THSD7B: variants seen among roughly 807,000 people sequenced by gnomAD.
THSD7B encodes thrombospondin type 1 domain containing 7B, also known as thrombospondin type-1 domain-containing protein 7B.
In THSD7B, 138 loss-of-function variants were observed where a neutral mutation model predicts 213.6. That is an observed-to-expected ratio of 0.65 (90% CI 0.56 to 0.74). THSD7B has a LOEUF of 0.74. THSD7B is among the 30% of genes least tolerant of loss of function. The pLI is 0.00. For missense variants in THSD7B, 1,931 were observed against 1,991.5 expected (o/e 0.97, Z 0.58); for synonymous variants, 742 against 687.0 (o/e 1.08, Z -1.25).
intron 17 of THSD7B, among the ~76,000 whole-genome samples, chr2:137,610,356 G>C (rs905255319): frequency 6.6e-6 from 1 of 152,134 alleles, no homozygotes; most frequent in African/African-American, 2.4e-5. Flanking sequence ...CTAGTATTGA[G>C]AGTATCCATG....
chr2:137,627,865 A>G (rs969029495), intron 20 of THSD7B, among the ~76,000 whole-genome samples: 1 of 152,272 alleles, frequency 6.6e-6, no homozygotes, highest in South Asian at 2.1e-4. Flanking sequence ...CCAAGATTTC[A>G]GTGATTAACC....
chr2:137,220,099 G>A (rs1385021189), intron 7 of THSD7B, among the ~76,000 whole-genome samples: 1 of 152,096 alleles, frequency 6.6e-6, no homozygotes, highest in African/African-American at 2.4e-5. Flanking sequence ...TGTGCATAGA[G>A]CAATGTATTT....
chr2:137,449,989 T>C (rs1045483447), intron 14 of THSD7B, among the ~76,000 whole-genome samples: 56 of 152,222 alleles, frequency 3.7e-4, no homozygotes, highest in African/African-American at 1.3e-3. Context: ...AATCAGATGA[T>C]GTTGCAGTTA....
intron 12 of THSD7B, among the ~76,000 whole-genome samples, chr2:137,288,375 A>G (rs1176858631): frequency 6.6e-6 from 1 of 152,084 alleles, no homozygotes; most frequent in Non-Finnish European, 1.5e-5. Context: ...AGAATTTAAA[A>G]CCTACTAGAG....
intron 15 of THSD7B, among the ~76,000 whole-genome samples, chr2:137,536,403 T>C (rs1680508312): frequency 6.6e-6 from 1 of 151,434 alleles, no homozygotes; most frequent in African/African-American, 2.4e-5. Flanking sequence ...AAAGAAAGAA[T>C]AGTACTTAGA....
At chr2:137,486,092 A>G (rs1007598955) in intron 15 of THSD7B, among the ~76,000 whole-genome samples, 5 of 152,252 alleles carry the variant, frequency 3.3e-5, no homozygotes, top group East Asian at 3.9e-4. Context: ...ATCAACTAAC[A>G]AGCAAAATAA....
chr2:137,340,242 A>T (rs1684730757), intron 12 of THSD7B, among the ~76,000 whole-genome samples: 1 of 151,906 alleles, frequency 6.6e-6, no homozygotes, highest in African/African-American at 2.4e-5. Flanking sequence ...TCTCTTAAAA[A>T]ACTAAGTTTC....
chr2:137,201,956 G>T (rs1293993999), intron 7 of THSD7B, among the ~76,000 whole-genome samples: 1 of 152,050 alleles, frequency 6.6e-6, no homozygotes, highest in African/African-American at 2.4e-5. Flanking sequence ...CATTTTTTCT[G>T]ATGGTCTCTA....
At chr2:137,138,506 T>C (rs1426372301) in intron 5 of THSD7B, among the ~76,000 whole-genome samples, 1 of 152,210 alleles carries the variant, frequency 6.6e-6, no homozygotes. Context: ...ATATTCTGTG[T>C]GCTCATTGTA....
chr2:137,029,279 A>C (rs934446287), intron 2 of THSD7B, among the ~76,000 whole-genome samples: 1 of 151,896 alleles, frequency 6.6e-6, no homozygotes, highest in Non-Finnish European at 1.5e-5. Context: ...GGGTTTTACC[A>C]TTTTGGCCAG....
intron 27 of THSD7B, among the ~76,000 whole-genome samples, chr2:137,672,936 T>C (rs986599018): frequency 6.6e-6 from 1 of 152,232 alleles, no homozygotes; most frequent in African/African-American, 2.4e-5. Context: ...CTGGATGAAC[T>C]TGCTGTTAAC....
At chr2:137,590,406 G>A (rs1226008178) in intron 17 of THSD7B, among the ~76,000 whole-genome samples, 1 of 152,142 alleles carries the variant, frequency 6.6e-6, no homozygotes, top group African/African-American at 2.4e-5. Context: ...GGCTAGTATA[G>A]CTGACTATAA....
At chr2:137,065,166 T>A (rs950442986) in intron 3 of THSD7B, among the ~76,000 whole-genome samples, 1 of 152,034 alleles carries the variant, frequency 6.6e-6, no homozygotes, top group Admixed American at 6.6e-5. Flanking sequence ...TATTTTTCCA[T>A]TTTTTGTGCC....
intron 12 of THSD7B, among the ~76,000 whole-genome samples, chr2:137,306,557 T>C (rs1683751783): frequency 6.6e-6 from 1 of 152,132 alleles, no homozygotes; most frequent in Non-Finnish European, 1.5e-5. Flanking sequence ...TGATAAGATA[T>C]TTTGTTCTTA....
At chr2:136,890,839 C>T (rs1038685865) in intron 2 of THSD7B, among the ~76,000 whole-genome samples, 2 of 151,692 alleles carry the variant, frequency 1.3e-5, no homozygotes, top group Non-Finnish European at 1.5e-5. Context: ...CCGTGCCTGG[C>T]CATGTCCTAC....
chr2:137,137,573 G>A (rs1450307847), intron 5 of THSD7B, among the ~76,000 whole-genome samples: 2 of 152,094 alleles, frequency 1.3e-5, no homozygotes, highest in African/African-American at 4.8e-5. Flanking sequence ...TGCTGTATAG[G>A]TTTACAGCCT....
At chr2:136,954,002 A>G (rs963644238) in intron 2 of THSD7B, among the ~76,000 whole-genome samples, 1 of 152,238 alleles carries the variant, frequency 6.6e-6, no homozygotes, top group African/African-American at 2.4e-5. Context: ...GTCACATTCT[A>G]GGTAATGAGA....
chr2:137,271,408 AAT>A (rs1558737512), intron 10 of THSD7B, among the ~76,000 whole-genome samples: 4 of 140,568 alleles, frequency 2.8e-5, no homozygotes, highest in African/African-American at 1.1e-4. Flanking sequence ...TATATATATG[AAT>A]TATAATATAT....
chr2:137,495,328 A>G (rs1235334991), intron 15 of THSD7B, among the ~76,000 whole-genome samples: 2 of 152,086 alleles, frequency 1.3e-5, no homozygotes, highest in Non-Finnish European at 2.9e-5. Flanking sequence ...AAAAGCAGCT[A>G]TCTTCTGATC....
Sources: allele counts gnomAD v4.1 joint callset (sites outside exome capture counted in the v4.1 genomes callset), GRCh38; gene constraint gnomAD v4.1.1; transcripts MANE v1.5; gene names NCBI Gene and HGNC (gene_info 2026-07-23, HGNC 2026-07-21).